Variants in F13A1 observed in about 807,000 individuals in gnomAD.
The protein encoded by F13A1 is coagulation factor XIII A chain, also known as FSF, A subunit.
A neutral mutation model predicts 80.1 loss-of-function variants in F13A1; 47 were observed. The ratio of observed to expected loss-of-function variants is 0.59; its 90% confidence interval spans 0.46 to 0.75. The LOEUF (loss-of-function observed/expected upper bound fraction) is 0.75. Ranked by LOEUF, F13A1 falls within the 30% of genes least tolerant of loss-of-function variation. F13A1 has a pLI of 0.00. For missense variants in F13A1, 817 were observed against 930.4 expected, an observed-to-expected ratio of 0.88 and a Z score of 1.59; for synonymous variants, 349 against 344.9, an observed-to-expected ratio of 1.01 and a Z score of -0.13.
In F13A1 at chr6:6,225,009, AT is replaced by A. The variant is rs201633423; in HGVS notation, c.799-150del. ...CCACTTCTGTTCGGTTTACCATTACATTGTTAGAAAAAAAAGATGCAAAAAC... is the reference window on the plus strand; with the variant it reads ...CCACTTCTGTTCGGTTTACCATTACATGTTAGAAAAAAAAGATGCAAAAAC... On this transcript the variant is annotated intron_variant, in intron 6 of 14. Coordinates refer to ENST00000264870, the MANE Select transcript of F13A1 (RefSeq NM_000129.4). 2.6e-3 allele frequency: 2,237 copies of A among 850,612 alleles called. 34 individuals are homozygous for A. In the African/African-American group the frequency reaches 0.033, roughly 12 times the overall value. 52.7% of individuals were successfully genotyped at this position (850,612 alleles called of 1,614,324 possible).
At chr6:6,293,782 AGAGGGAGGGAGGGAGGGAGGGAGG>A (rs575581821) in intron 3 of F13A1, among the ~76,000 whole-genome samples, 1 of 66,914 alleles carries the variant, frequency 1.5e-5, no homozygotes, top group African/African-American at 7.1e-5. Flanking sequence ...AGTGAGAGAG[AGAGGGAGGGAGGGAGGGAGGGAGG>A]GAGGGAGGGA....
In F13A1 at chr6:6,197,242, G is replaced by C; in HGVS notation, c.1197C>G (p.Thr399=). 6.2e-7 allele frequency: 1 copy of C among 1,614,132 alleles called. No individual in the cohort carries two copies. The highest frequency in any genetic ancestry group is 2.2e-5 in the East Asian group (1 of 44,882). Residue 399 remains threonine, a synonymous_variant, in exon 9 of 15, where the codon ACC becomes ACG. Transcript: ENST00000264870. ...GFGGWQAVDS[T]PQENSDGMYR... ...TTTTACCATCGCTATTTTCCTGGGG[G>C]GTGCTGTCCACAGCTTGCCAGCCTC... is the stretch of plus-strand genomic sequence containing the variant.
At chr6:6,229,436 C>T (rs1375444192) in intron 6 of F13A1, among the ~76,000 whole-genome samples, 1 of 152,012 alleles carries the variant, frequency 6.6e-6, no homozygotes, top group African/African-American at 2.4e-5. Flanking sequence ...TAGAAGAAAA[C>T]TTGAGATATC....
chr6:6,293,105 G>T (rs916232604), intron 3 of F13A1, among the ~76,000 whole-genome samples: 2 of 152,160 alleles, frequency 1.3e-5, no homozygotes, highest in African/African-American at 2.4e-5. Flanking sequence ...TGAGGGAAAG[G>T]TCAGGAGAAT....
At chr6:6,263,035 C>T (rs1201897894) in intron 4 of F13A1, among the ~76,000 whole-genome samples, 1 of 152,218 alleles carries the variant, frequency 6.6e-6, no homozygotes, top group Non-Finnish European at 1.5e-5. Flanking sequence ...CAGATGATTG[C>T]AACGTGCAGC....
At chr6:6,202,610 G>A (rs1035209303) in intron 8 of F13A1, among the ~76,000 whole-genome samples, 4 of 152,152 alleles carry the variant, frequency 2.6e-5, no homozygotes, top group African/African-American at 4.8e-5. Context: ...TCCCTTTAAA[G>A]TAAAAAAATT....
At chr6:6,245,593 C>A (rs1170845925) in intron 6 of F13A1, among the ~76,000 whole-genome samples, 1 of 152,136 alleles carries the variant, frequency 6.6e-6, no homozygotes, top group East Asian at 1.9e-4. Flanking sequence ...TCAACATGCA[C>A]CCACCTGTTG....
chr6:6,177,078 C>T (rs755531370), intron 11 of F13A1, among the ~76,000 whole-genome samples: 13 of 152,176 alleles, frequency 8.5e-5, no homozygotes, highest in Non-Finnish European at 2.9e-5. Flanking sequence ...AGTTATGCTG[C>T]GTGCTCTGGC....
At chr6:6,165,596 C>T (rs567236867) in intron 13 of F13A1, among the ~76,000 whole-genome samples, 12 of 152,248 alleles carry the variant, frequency 7.9e-5, no homozygotes, top group Admixed American at 1.3e-4. Context: ...ATGAAACCTG[C>T]GCAATAGCCC....
intron 4 of F13A1, among the ~76,000 whole-genome samples, chr6:6,261,131 G>A (rs2608859): frequency 0.27 from 41,228 of 151,820 alleles, 5,822 homozygotes; most frequent in South Asian, 0.43. Context: ...ACCATGCCCA[G>A]CTAATTTTTG....
chr6:6,245,470 C>T (rs1341907055), intron 6 of F13A1, among the ~76,000 whole-genome samples: 4 of 152,138 alleles, frequency 2.6e-5, no homozygotes, highest in East Asian at 1.9e-4. Flanking sequence ...GTGATCTGCC[C>T]GCCTCGGCCT....
At chr6:6,232,096 C>T (rs1212936718) in intron 6 of F13A1, among the ~76,000 whole-genome samples, 1 of 152,184 alleles carries the variant, frequency 6.6e-6, no homozygotes, top group East Asian at 1.9e-4. Flanking sequence ...TGGTACCTCA[C>T]ATTTCAACAC....
At chr6:6,225,576 T>C (rs1014698556) in intron 6 of F13A1, among the ~76,000 whole-genome samples, 7 of 152,088 alleles carry the variant, frequency 4.6e-5, no homozygotes, top group South Asian at 2.1e-4. Flanking sequence ...GGCACGATCA[T>C]GGTTCACTGT....
intron 4 of F13A1, among the ~76,000 whole-genome samples, chr6:6,262,210 C>G (rs1250010511): frequency 7.7e-6 from 1 of 130,526 alleles, no homozygotes; most frequent in Non-Finnish European, 1.6e-5. Context: ...AGCGTGGTGA[C>G]CCTCCAGGTG....
At chr6:6,197,056 T>C (rs946876920) in intron 9 of F13A1, among the ~76,000 whole-genome samples, 167 bp downstream of exon 9, 3 of 152,218 alleles carry the variant, frequency 2.0e-5, no homozygotes, top group Admixed American at 1.3e-4. Flanking sequence ...ACAATGGAAA[T>C]GAAATTAAAC....
chr6:6,190,831 C>CGCCT (rs1761176729), intron 10 of F13A1, among the ~76,000 whole-genome samples: 1 of 151,624 alleles, frequency 6.6e-6, no homozygotes. Flanking sequence ...GCCTCGCTGC[C>CGCCT]GCCTTGCAGT....
rs1760772062 is a variant in F13A1 at position 6,171,477 on chromosome 6, T to A, written c.1747+3103A>T. On this transcript the variant is annotated intron_variant, in intron 12 of 14. Transcript: ENST00000264870. ...ACCACATATCCAGTCTCTCAGCCAA[T>A]CAGGCGGGCTCCACCTTCAGCACAT... is the stretch of plus-strand genomic sequence containing the variant. Among the ~76,000 whole-genome samples, 3 of 152,208 alleles carry A rather than the reference T, an allele frequency of 2.0e-5. 1 individual carries two copies. In the South Asian group the frequency reaches 6.2e-4, roughly 32 times the overall value.
intron 10 of F13A1, among the ~76,000 whole-genome samples, chr6:6,193,492 C>T (rs905657936): frequency 6.6e-6 from 1 of 152,162 alleles, no homozygotes; most frequent in Non-Finnish European, 1.5e-5. Flanking sequence ...AAAGATTCCT[C>T]ATACACTTTT....
chr6:6,203,632 TGATC>T (rs1298428530), intron 8 of F13A1, among the ~76,000 whole-genome samples: 1 of 152,238 alleles, frequency 6.6e-6, no homozygotes, highest in Non-Finnish European at 1.5e-5. Context: ...CAGCCAACAC[TGATC>T]GATTGCAGTT....
Sources: allele counts gnomAD v4.1 joint callset (sites outside exome capture counted in the v4.1 genomes callset), GRCh38; gene constraint gnomAD v4.1.1; transcripts MANE v1.5; gene names NCBI Gene and HGNC (gene_info 2026-07-23, HGNC 2026-07-21).